The following EVC2 variants were observed in gnomAD, a reference collection of about 807,000 sequenced individuals.
EVC2 encodes EvC ciliary complex subunit 2, also known as limbin.
A neutral mutation model predicts 149.3 loss-of-function variants in EVC2; 148 were observed. The ratio of observed to expected loss-of-function variants is 0.99; its 90% CI spans 0.87 to 1.14. The LOEUF is 1.14. Among genes scored for constraint, EVC2 ranks in the 50% most tolerant of loss-of-function variants. The pLI is 0.00. For missense variants in EVC2, 1,854 were observed against 1,627.3 expected (o/e 1.14, Z -2.40); for synonymous variants, 776 against 649.9 (o/e 1.19, Z -2.95).
intron 19 of EVC2, among the ~76,000 whole-genome samples, chr4:5,571,960 G>T (rs912617733): frequency 6.6e-6 from 1 of 152,134 alleles, no homozygotes; most frequent in Admixed American, 6.5e-5. Context: ...CTTGGGATTC[G>T]AACTGCAACT....
chr4:5,587,775 G>A (rs1465002770), intron 16 of EVC2, among the ~76,000 whole-genome samples: 1 of 152,166 alleles, frequency 6.6e-6, no homozygotes, highest in Non-Finnish European at 1.5e-5. Context: ...AGGGGTACGT[G>A]ACTGGGGGCT....
At chr4:5,601,594 G>A (rs946160436) in intron 16 of EVC2, among the ~76,000 whole-genome samples, 1 of 151,456 alleles carries the variant, frequency 6.6e-6, no homozygotes, top group Admixed American at 6.6e-5. Flanking sequence ...TTAGAGAATA[G>A]GAGATGTAAT....
At chr4:5,575,283 T>C (rs941745136) in intron 18 of EVC2, among the ~76,000 whole-genome samples, 2 of 152,230 alleles carry the variant, frequency 1.3e-5, no homozygotes, top group African/African-American at 4.8e-5. Flanking sequence ...TCCTGGCTAA[T>C]ACACCCCAGA....
At chr4:5,646,220 C>T (rs561228640) in intron 9 of EVC2, among the ~76,000 whole-genome samples, 4 of 152,278 alleles carry the variant, frequency 2.6e-5, no homozygotes, top group South Asian at 2.1e-4. Context: ...CATAAGCCAC[C>T]GTGCCAGGTC....
intron 9 of EVC2, among the ~76,000 whole-genome samples, chr4:5,647,896 A>G (rs1324765103): frequency 6.6e-6 from 1 of 152,230 alleles, no homozygotes; most frequent in Non-Finnish European, 1.5e-5. Context: ...TGGCGAAGGA[A>G]GCCGACATAG....
intron 16 of EVC2, among the ~76,000 whole-genome samples, chr4:5,589,099 T>C (rs1712557209): frequency 6.6e-6 from 1 of 152,262 alleles, no homozygotes; most frequent in African/African-American, 2.4e-5. Flanking sequence ...TTCTACCTTG[T>C]TGGGTCCTAG....
intron 9 of EVC2, among the ~76,000 whole-genome samples, chr4:5,644,834 T>C (rs1242607883): frequency 6.6e-6 from 1 of 152,206 alleles, no homozygotes; most frequent in East Asian, 1.9e-4. Flanking sequence ...ACTAGGTCCA[T>C]CCATGTTGCT....
At chr4:5,549,310 G>T (rs764538587) in intron 21 of EVC2, among the ~76,000 whole-genome samples, 1 of 152,178 alleles carries the variant, frequency 6.6e-6, no homozygotes. Context: ...TGTAAGATGA[G>T]GATTGTTTCA....
At chr4:5,588,250 C>T (rs1057190032) in intron 16 of EVC2, among the ~76,000 whole-genome samples, 3 of 152,102 alleles carry the variant, frequency 2.0e-5, no homozygotes, top group South Asian at 2.1e-4. Context: ...AATGAGAAAT[C>T]GGCTGTCAAC....
At chr4:5,575,960 C>T (rs1326092733) in intron 18 of EVC2, among the ~76,000 whole-genome samples, 1 of 152,168 alleles carries the variant, frequency 6.6e-6, no homozygotes, top group Non-Finnish European at 1.5e-5. Context: ...GGCACTCTCC[C>T]TACTACCTTT....
At position 5,622,622 on chromosome 4, in the gene EVC2, C is replaced by T. The variant is rs138128087; in HGVS notation, c.2416G>A (p.Val806Met). The change falls in exon 14 of 22, where the codon GTG becomes ATG. Residue 806 changes from valine to methionine, a missense_variant. Transcript: ENST00000344408. The surrounding 1 kb of genome is among the most constrained non-coding windows in gnomAD (Gnocchi z 5.8). ...RDRDQEGVQS[V>M]RQRLKDDAPE... The stretch of plus-strand genomic sequence containing the variant: ...GCGTCATCCTTCAGTCTCTGCCTCA[C>T]GCTCTGGACACCCTCCTGGTCCCTG... 2.7e-4 allele frequency: 436 copies of T among 1,614,018 alleles called. No individual in the cohort carries two copies. Among genetic ancestry groups the T allele is most frequent in the Non-Finnish European group, 3.2e-4 (380 of 1,179,992 alleles).
Position 5,625,828 on chromosome 4 carries a change from A to G in EVC2, c.1967T>C (p.Leu656Ser), listed in dbSNP as rs1367694162. Residue 656 changes from leucine to serine, a missense_variant, in exon 13 of 22, where the codon TTG becomes TCG. Coordinates refer to ENST00000344408, the MANE Select transcript of EVC2 (RefSeq NM_147127.5). This position sits in a 1 kb window ranked among gnomAD's most constrained non-coding sequence, Gnocchi z 4.0. ...CTTTTCCTGCTTTAAGTCATTGTCC[A>G]ACTTCTGCTTGATTGAAAAGACTTC... ...QTEVFSIKQK[L>S]DNDLKQEKKK... The G allele has an allele frequency of 6.2e-7, 1 of 1,613,970 alleles. No homozygotes were observed. Among genetic ancestry groups the G allele is most frequent in the African/African-American group, 1.3e-5 (1 of 74,896 alleles).
At chr4:5,538,724 T>C (rs1016083693), downstream of EVC2, among the ~76,000 whole-genome samples, 3 of 152,086 alleles carry the variant, frequency 2.0e-5, no homozygotes, top group Non-Finnish European at 4.4e-5. Flanking sequence ...AAAACTAAAA[T>C]ATATGGCCAT....
chr4:5,591,039 T>C (rs1712749715), intron 16 of EVC2, among the ~76,000 whole-genome samples: 1 of 152,080 alleles, frequency 6.6e-6, no homozygotes, highest in Non-Finnish European at 1.5e-5. Context: ...TCTCACTAGG[T>C]CCTTCCAATG....
At chr4:5,626,592 C>T (rs977432041) in intron 12 of EVC2, among the ~76,000 whole-genome samples, 2 of 152,156 alleles carry the variant, frequency 1.3e-5, no homozygotes, top group Admixed American at 1.3e-4. Context: ...CCTCGGCCTT[C>T]CAAAGTGCTG....
chr4:5,630,172 C>T (rs1488259780), intron 11 of EVC2, among the ~76,000 whole-genome samples: 2 of 152,184 alleles, frequency 1.3e-5, no homozygotes, highest in Admixed American at 1.3e-4. Context: ...GGGGGGAGCT[C>T]GTTCTCTGTC....
the EVC2 span, among the ~76,000 whole-genome samples, chr4:5,535,093 C>T: frequency 6.6e-6 from 1 of 152,140 alleles, no homozygotes; most frequent in African/African-American, 2.4e-5. The surrounding 1 kb of genome is among the most constrained non-coding windows in gnomAD (Gnocchi z 4.7). Context: ...CCCCCAGACT[C>T]CTCAAAGAAT....
chr4:5,652,416 A>C (rs1227494676), intron 9 of EVC2, among the ~76,000 whole-genome samples: 1 of 152,238 alleles, frequency 6.6e-6, no homozygotes, highest in Non-Finnish European at 1.5e-5. Context: ...GCTGCCCAGC[A>C]CTGAGATGGA....
intron 3 of EVC2, among the ~76,000 whole-genome samples, chr4:5,693,971 A>G (rs1050229244): frequency 3.9e-5 from 6 of 152,218 alleles, no homozygotes; most frequent in Non-Finnish European, 7.3e-5. Context: ...TGCTAAACCC[A>G]GTGCCCGACC....
Sources: gnomAD v4.1 joint callset for allele counts (sites outside exome capture counted in the v4.1 genomes callset) on GRCh38, gnomAD v4.1.1 for gene constraint, Gnocchi (gnomAD v3.1) non-coding constraint, MANE v1.5 for transcripts, NCBI Gene and HGNC (gene_info 2026-07-23, HGNC 2026-07-21) for gene names.